The following PCCA variants were observed in gnomAD, a reference collection of about 807,000 sequenced individuals.
PCCA encodes propionyl-CoA carboxylase subunit alpha, also known as propionyl-CoA carboxylase alpha chain, mitochondrial.
A neutral mutation model predicts 101.3 loss-of-function variants in PCCA; 74 were observed. That is an observed-to-expected ratio of 0.73 (90% CI 0.61 to 0.89). PCCA has a LOEUF of 0.89. Ranked by LOEUF, PCCA falls within the 40% of genes least tolerant of loss-of-function variation. The probability of loss-of-function intolerance (pLI) is 0.00; values close to 1 mark genes in which losing one functional copy is unlikely to be tolerated. For missense variants in PCCA, 891 were observed against 907.0 expected (o/e 0.98, Z 0.23); for synonymous variants, 294 against 313.6 (o/e 0.94, Z 0.66).
chr13:100,440,494 C>A (rs1247205168), intron 20 of PCCA, among the ~76,000 whole-genome samples: 2 of 151,542 alleles, frequency 1.3e-5, no homozygotes, highest in African/African-American at 4.8e-5. Flanking sequence ...CCCACACCCT[C>A]CAAGAATAAA....
chr13:100,382,809 A>G (rs924970998), intron 19 of PCCA, among the ~76,000 whole-genome samples: 16 of 152,200 alleles, frequency 1.1e-4, no homozygotes, highest in Non-Finnish European at 2.4e-4. Context: ...ATCCATGTAA[A>G]CAATCTGTAC....
At chr13:100,232,351 C>CGTGTGCGTGTGTGTGTGTGTGT in intron 7 of PCCA, among the ~76,000 whole-genome samples, 1 of 131,266 alleles carries the variant, frequency 7.6e-6, no homozygotes, top group South Asian at 2.6e-4. Context: ...TGTGTGTATG[C>CGTGTGCGTGTGTGTGTGTGTGT]GTGTGTGTGT....
chr13:100,133,600 TATAGATGTTGAATTATTTCAACACC>T, intron 4 of PCCA, among the ~76,000 whole-genome samples: 1 of 152,308 alleles, frequency 6.6e-6, no homozygotes, highest in Admixed American at 6.5e-5. Flanking sequence ...TTTTTTTGCA[TATAGATGTTGAATTATTTCAACACC>T]ATTCATTGAA....
intron 4 of PCCA, among the ~76,000 whole-genome samples, chr13:100,141,593 A>G (rs2051883139): frequency 6.6e-6 from 1 of 151,878 alleles, no homozygotes. Context: ...TTGTATTTTT[A>G]ATAGAGACAG....
chr13:100,117,845 A>G (rs1430200926), intron 4 of PCCA, among the ~76,000 whole-genome samples: 4 of 152,088 alleles, frequency 2.6e-5, no homozygotes, highest in Admixed American at 6.6e-5. Context: ...GGCCGGGCGT[A>G]GTGGCTCACG....
At chr13:100,159,555 T>C (rs2054239191) in intron 6 of PCCA, among the ~76,000 whole-genome samples, 1 of 152,162 alleles carries the variant, frequency 6.6e-6, no homozygotes, top group African/African-American at 2.4e-5. Flanking sequence ...TAACTTCACT[T>C]CAGGGAAGAA....
chr13:100,091,626 C>G (rs1459056645), intron 1 of PCCA, among the ~76,000 whole-genome samples: 2 of 151,994 alleles, frequency 1.3e-5, no homozygotes, highest in Non-Finnish European at 2.9e-5. Context: ...TCCCATCCCT[C>G]CCTCCACCTC....
chr13:100,521,107 G>T lies in PCCA; in HGVS notation c.2040+5540G>T, dbSNP rs139733087. Among the ~76,000 whole-genome samples the T allele has an allele frequency of 2.6e-5, 4 of 152,316 alleles. No homozygotes were observed. In the East Asian group the frequency reaches 7.7e-4, roughly 29 times the overall value. ...GTTTCCACTAGTTCTCTTTGTAACT[G>T]CAGGCTTTGGCTCTGATTTTGAGCT... On this transcript the variant is annotated intron_variant, in intron 22 of 23. Coordinates refer to ENST00000376285, the MANE Select transcript of PCCA (RefSeq NM_000282.4).
intron 20 of PCCA, among the ~76,000 whole-genome samples, chr13:100,433,955 GT>G (rs2079743424): frequency 1.3e-5 from 2 of 152,190 alleles, no homozygotes; most frequent in African/African-American, 4.8e-5. Flanking sequence ...TAATGCTTAG[GT>G]TTAATGAAGA....
chr13:100,334,255 T>TTA (rs2070086223), intron 17 of PCCA, among the ~76,000 whole-genome samples: 2 of 152,202 alleles, frequency 1.3e-5, no homozygotes, highest in South Asian at 4.1e-4. Flanking sequence ...GTGCACATCT[T>TTA]TATAAGCCAT....
chr13:100,466,501 T>C (rs931399536), intron 21 of PCCA, among the ~76,000 whole-genome samples: 3 of 152,218 alleles, frequency 2.0e-5, no homozygotes, highest in Non-Finnish European at 2.9e-5. Context: ...GGTATCCGTG[T>C]TAATTACCTA....
At chr13:100,405,025 G>A (rs1225871339) in intron 19 of PCCA, among the ~76,000 whole-genome samples, 1 of 152,066 alleles carries the variant, frequency 6.6e-6, no homozygotes, top group Non-Finnish European at 1.5e-5. Flanking sequence ...GGAGTTGTGT[G>A]GACTCCTTAC....
At chr13:100,236,177 T>G (rs1174494095) in intron 8 of PCCA, among the ~76,000 whole-genome samples, 2 of 152,236 alleles carry the variant, frequency 1.3e-5, no homozygotes, top group Non-Finnish European at 2.9e-5. Context: ...TAATGTCAAT[T>G]TATATGTACA....
chr13:100,462,109 C>T (rs1212744252), intron 21 of PCCA, among the ~76,000 whole-genome samples: 1 of 152,036 alleles, frequency 6.6e-6, no homozygotes, highest in South Asian at 2.1e-4. Flanking sequence ...GCATTTGCCC[C>T]TAAATATACA....
chr13:100,102,253 A>C (rs2047350420), intron 1 of PCCA, among the ~76,000 whole-genome samples: 1 of 151,494 alleles, frequency 6.6e-6, no homozygotes, highest in Non-Finnish European at 1.5e-5. Context: ...TAATACTCCC[A>C]CCTCTGCCTC....
chr13:100,128,904 A>AT (rs2050222756), intron 4 of PCCA, among the ~76,000 whole-genome samples: 1 of 151,886 alleles, frequency 6.6e-6, no homozygotes, highest in Non-Finnish European at 1.5e-5. Context: ...AAATTGTTTT[A>AT]TTTTTTGTAC....
intron 21 of PCCA, among the ~76,000 whole-genome samples, chr13:100,496,811 C>T (rs2085310600): frequency 6.6e-6 from 1 of 152,120 alleles, no homozygotes; most frequent in Admixed American, 6.5e-5. Context: ...TCAACTGTGA[C>T]TTAAGGTAAT....
chr13:100,493,318 C>T (rs1278412048), intron 21 of PCCA, among the ~76,000 whole-genome samples: 1 of 152,214 alleles, frequency 6.6e-6, no homozygotes, highest in Admixed American at 6.5e-5. Context: ...TCAGCATTCT[C>T]AGACCTTCAA....
At chr13:100,223,642 ACTGC>A (rs2059952910) in intron 7 of PCCA, among the ~76,000 whole-genome samples, 1 of 152,096 alleles carries the variant, frequency 6.6e-6, no homozygotes, top group Non-Finnish European at 1.5e-5. Flanking sequence ...GCGTGTTGCC[ACTGC>A]TGGCTCGGGC....
Sources: allele counts gnomAD v4.1 joint callset (sites outside exome capture counted in the v4.1 genomes callset), GRCh38; gene constraint gnomAD v4.1.1; transcripts MANE v1.5; gene names NCBI Gene and HGNC (gene_info 2026-07-23, HGNC 2026-07-21).